The following DNAH5 variants were observed in gnomAD, a reference collection of about 807,000 sequenced individuals.
DNAH5 encodes axonemal beta dynein heavy chain 5.
In DNAH5, 372 loss-of-function variants were observed where a neutral mutation model predicts 518.2. The observed-to-expected ratio is 0.72, with a 90% CI of 0.66 to 0.78. DNAH5 has a LOEUF of 0.78. DNAH5 is among the 30% of genes least tolerant of loss of function. The pLI is 0.00. For missense variants in DNAH5, 5,523 were observed against 5,687.0 expected, an observed-to-expected ratio of 0.97 and a Z score of 0.93; for synonymous variants, 2,039 against 2,025.9, an observed-to-expected ratio of 1.01 and a Z score of -0.17.
chr5:13,859,529 A>G lies in DNAH5; in HGVS notation c.4873T>C (p.Trp1625Arg). 6.2e-7 allele frequency: 1 copy of G among 1,614,160 alleles called. No homozygotes were observed. The highest frequency in any genetic ancestry group is 1.1e-5 in the South Asian group (1 of 91,076). ...LSNSTDIIESWMTVQNLWIYL... is the reference protein window; with the variant it reads ...LSNSTDIIESRMTVQNLWIYL... ...ATCCACAGGTTTTGCACCGTCATCC[A>G]GCTCTCGATGATGTCTGTTGAGTTG... The change falls in exon 30 of 79, where the codon TGG (tryptophan) becomes CGG (arginine). Residue 1625 changes from tryptophan to arginine, a missense_variant. Trp to Arg is a moderately radical substitution (Grantham distance 101, BLOSUM62 -3). Transcript: ENST00000265104.
chr5:13,759,343 G>T (rs1031966234), intron 60 of DNAH5, among the ~76,000 whole-genome samples: 1 of 152,222 alleles, frequency 6.6e-6, no homozygotes, highest in Non-Finnish European at 1.5e-5. Context: ...AATATAGGTA[G>T]TGGGCTAGAT....
rs776031754 is a variant in DNAH5, at chr5:13,902,034, A to C, written c.1730+19T>G. 6.6e-7 allele frequency: 1 copy of C among 1,512,422 alleles called. No homozygotes were observed. The highest frequency in any genetic ancestry group is 1.2e-5 in the South Asian group (1 of 86,500). The allele number at this position is 1,512,422 out of a possible 1,614,324, so 93.7% of individuals were successfully genotyped here. ...ACTATCCCAATTTTAGAAAATAGACAATTTCTTGAAAATTTTACCTTTCAA... is the reference window on the plus strand; with the variant it reads ...ACTATCCCAATTTTAGAAAATAGACCATTTCTTGAAAATTTTACCTTTCAA... On this transcript the variant is annotated intron_variant, in intron 13 of 78. Transcript: ENST00000265104.
At chr5:13,797,894 G>C (rs915210656) in intron 47 of DNAH5, among the ~76,000 whole-genome samples, 3 of 152,188 alleles carry the variant, frequency 2.0e-5, no homozygotes, top group Non-Finnish European at 2.9e-5. Flanking sequence ...ATGAGTTAAT[G>C]TTCTTTGCAG....
chr5:13,747,637 G>C (rs1749578293), intron 65 of DNAH5, among the ~76,000 whole-genome samples: 1 of 152,230 alleles, frequency 6.6e-6, no homozygotes, highest in Non-Finnish European at 1.5e-5. Context: ...CTGATGGTCA[G>C]TGATGATGAG....
At chr5:13,704,669 T>G (rs1352873159) in intron 76 of DNAH5, among the ~76,000 whole-genome samples, 1 of 152,228 alleles carries the variant, frequency 6.6e-6, no homozygotes, top group Non-Finnish European at 1.5e-5. Flanking sequence ...GGACAGTCCT[T>G]TGACCTAAGC....
At chr5:13,790,722 T>A (rs1756842084) in intron 50 of DNAH5, among the ~76,000 whole-genome samples, 1 of 152,200 alleles carries the variant, frequency 6.6e-6, no homozygotes, top group South Asian at 2.1e-4. Flanking sequence ...ATTGTTAAGT[T>A]TCCTGAGGCC....
intron 65 of DNAH5, among the ~76,000 whole-genome samples, chr5:13,741,086 G>C (rs574572538): frequency 4.0e-4 from 61 of 152,276 alleles, no homozygotes; most frequent in African/African-American, 1.1e-3. Context: ...CAGTGAACTG[G>C]AAAATCTAGT....
In DNAH5 at chr5:13,735,192, G is replaced by C. The variant is rs777190482; in HGVS notation, c.11700C>G (p.Thr3900=). Residue 3900 remains threonine (T), a synonymous_variant, in exon 68 of 79, where the codon ACC becomes ACG. Coordinates refer to ENST00000265104, the MANE Select transcript of DNAH5 (RefSeq NM_001369.3). ...GGTTCCTCTGGATGTCAATCTTTAG[G>C]GTAAGCAACAAGGTGAACAGGAATT... ...EHKFLFTLLL[T]LKIDIQRNRV... 20 of 1,613,880 alleles carry C rather than the reference G, an allele frequency of 1.2e-5. No homozygotes were observed. In the African/African-American group the frequency reaches 2.4e-4, roughly 19 times the overall value.
intron 1 of DNAH5, among the ~76,000 whole-genome samples, chr5:13,932,607 T>C (rs1387802171): frequency 2.0e-5 from 3 of 152,362 alleles, no homozygotes; most frequent in East Asian, 3.9e-4. Context: ...TTAACTGTTA[T>C]GTAAAATCCA....
intron 1 of DNAH5, among the ~76,000 whole-genome samples, chr5:14,002,244 G>C (rs1784405252): frequency 6.6e-6 from 1 of 152,114 alleles, no homozygotes; most frequent in Non-Finnish European, 1.5e-5. Flanking sequence ...AAAAAAATCA[G>C]TTAGAAAAAA....
At position 13,768,958 on chromosome 5, in the gene DNAH5, AC is replaced by A. The variant is rs1386707595; in HGVS notation, c.9897+1del. The A allele has an allele frequency of 3.7e-6, 6 of 1,614,122 alleles. No homozygotes were observed. The highest frequency in any genetic ancestry group is 5.1e-6 in the Non-Finnish European group (6 of 1,179,970). On this transcript the variant is annotated splice_donor_variant, in intron 58 of 78. Transcript: ENST00000265104. LOFTEE classifies it high-confidence loss of function. ...GACATCTGTTATATCACATAGATGC[AC>A]CTGCAATGCAGCTTCTGCCTCTTCT... is the stretch of plus-strand genomic sequence containing the variant.
intron 35 of DNAH5, among the ~76,000 whole-genome samples, chr5:13,832,454 T>C (rs1308135408): frequency 1.3e-5 from 2 of 152,250 alleles, no homozygotes; most frequent in African/African-American, 4.8e-5. Context: ...TCTCCCTGTG[T>C]GTCTAGAGAA....
chr5:13,945,767 G>A (rs534313681), upstream of DNAH5, among the ~76,000 whole-genome samples: 33 of 152,158 alleles, frequency 2.2e-4, no homozygotes, highest in African/African-American at 7.0e-4. Flanking sequence ...CACAACACGC[G>A]GCTAATTTTT....
intron 3 of DNAH5, among the ~76,000 whole-genome samples, chr5:13,923,907 G>A (rs1234043541): frequency 1.3e-5 from 2 of 152,140 alleles, no homozygotes; most frequent in African/African-American, 2.4e-5. Context: ...TTAGCTGGGC[G>A]TGGTCGTGGG....
intron 45 of DNAH5, among the ~76,000 whole-genome samples, chr5:13,809,579 T>C (rs1760259633): frequency 6.6e-6 from 1 of 152,190 alleles, no homozygotes. Context: ...GTATATTAAA[T>C]AGTTAATACA....
chr5:13,870,258 G>A (rs992030586), intron 24 of DNAH5, among the ~76,000 whole-genome samples: 3 of 152,034 alleles, frequency 2.0e-5, no homozygotes, highest in African/African-American at 7.2e-5. Flanking sequence ...TCCCATCCCC[G>A]ACTACTGAGA....
intron 35 of DNAH5, among the ~76,000 whole-genome samples, chr5:13,831,972 C>G (rs1320348345): frequency 6.6e-6 from 1 of 152,078 alleles, no homozygotes; most frequent in East Asian, 1.9e-4. Flanking sequence ...CTGAGACAAG[C>G]CAAGTCTTCT....
chr5:13,745,243 G>A (rs1749168048), intron 65 of DNAH5, among the ~76,000 whole-genome samples: 1 of 152,048 alleles, frequency 6.6e-6, no homozygotes, highest in Admixed American at 6.6e-5. Context: ...AAGGAAGGTT[G>A]TTGTAGGCCT....
intron 8 of DNAH5, 97 bp downstream of exon 8, chr5:13,917,046 A>T: frequency 1.0e-6 from 1 of 952,698 alleles, no homozygotes; most frequent in Non-Finnish European, 1.7e-6. Flanking sequence ...GACCTTTCCA[A>T]TGAACTGTAA....
Sources: allele counts gnomAD v4.1 joint callset (sites outside exome capture counted in the v4.1 genomes callset), GRCh38; gene constraint gnomAD v4.1.1; transcripts MANE v1.5; gene names NCBI Gene and HGNC (gene_info 2026-07-23, HGNC 2026-07-21).